The following NF1 variants were observed in gnomAD, a reference collection of about 807,000 sequenced individuals.
NF1 encodes neurofibromin 1.
NF1 carries 122 observed loss-of-function variants against 325.7 expected under a neutral mutation model. The observed-to-expected ratio is 0.37, with a 90% CI of 0.32 to 0.44. The LOEUF (loss-of-function observed/expected upper bound fraction) is 0.44. Ranked by LOEUF, NF1 falls within the 20% of genes least tolerant of loss-of-function variation. The pLI is 1.00. For missense variants in NF1, 2,140 were observed against 3,415.4 expected, an observed-to-expected ratio of 0.63 and a Z score of 9.31; for synonymous variants, 1,091 against 1,186.0, an observed-to-expected ratio of 0.92 and a Z score of 1.65.
intron 29 of NF1, among the ~76,000 whole-genome samples, chr17:31,244,035 A>C (rs2067349707): frequency 6.6e-6 from 1 of 152,032 alleles, no homozygotes; most frequent in South Asian, 2.1e-4. Context: ...GCAGGTGATG[A>C]GTTCTGCCAA....
At chr17:31,110,715 G>A (rs1913325475) in intron 1 of NF1, among the ~76,000 whole-genome samples, 1 of 151,782 alleles carries the variant, frequency 6.6e-6, no homozygotes, top group African/African-American at 2.4e-5. Context: ...AGGAAAATAC[G>A]GAGAAAATGG....
chr17:31,325,866 T>G lies in NF1; in HGVS notation c.4882T>G (p.Leu1628Val). Residue 1628 changes from leucine (L) to valine (V), a missense_variant, in exon 37 of 58, where the codon TTA becomes GTA. Coordinates refer to ENST00000358273, the MANE Select transcript of NF1 (RefSeq NM_001042492.3). ...TGGTGATTTGCTGATATACCATGTC[T>G]TACTGACTTTAAAGCCATATTATGC... ...INGDLLIYHVLLTLKPYYAKP... is the reference protein window; with the variant it reads ...INGDLLIYHVVLTLKPYYAKP... 1 of 1,614,214 alleles carries G rather than the reference T, an allele frequency of 6.2e-7. No homozygotes were observed. Among genetic ancestry groups the G allele is most frequent in the Non-Finnish European group, 8.5e-7 (1 of 1,180,026 alleles).
chr17:31,319,173 A>G (rs2069112193), intron 36 of NF1: 1 of 814,088 alleles, frequency 1.2e-6, no homozygotes, highest in South Asian at 1.9e-5. Context: ...TCTCAACTAA[A>G]TTTCTTTTCT....
intron 1 of NF1, among the ~76,000 whole-genome samples, chr17:31,119,945 A>C (rs762031489): frequency 2.6e-5 from 4 of 152,078 alleles, no homozygotes; most frequent in African/African-American, 7.2e-5. Context: ...TTTCTGAGGT[A>C]TCTGTTCTGT....
intron 5 of NF1, among the ~76,000 whole-genome samples, chr17:31,170,371 G>A (rs2065910477): frequency 6.6e-6 from 1 of 152,306 alleles, no homozygotes; most frequent in Admixed American, 6.5e-5. Flanking sequence ...GTCTGTAGTA[G>A]GATATCAAAG....
chr17:31,256,973 A>G lies in NF1; in HGVS notation c.4174-1371A>G, dbSNP rs570134984. On this transcript the variant is annotated intron_variant, in intron 31 of 57. Transcript: ENST00000358273. ...TTACTAACTTCCTGTTAGAGATTAT[A>G]GAAAGCTATTTTGAGGTTATAAGCA... 4.6e-5 allele frequency among the ~76,000 whole-genome samples: 7 copies of G among 152,344 alleles called. No individual in the cohort carries two copies. In the South Asian group the frequency reaches 1.2e-3, roughly 27 times the overall value.
chr17:31,258,475 C>T lies in NF1; in HGVS notation c.4305C>T (p.Ile1435=), dbSNP rs779865988. ...TAGATAAAAAGCCACCACCTAGAAT[C>T]GAAAGGGGCTTGAAGTTAATGTCAA... is the stretch of plus-strand genomic sequence containing the variant. ...GILDKKPPPR[I]ERGLKLMSKI... The change falls in exon 32 of 58, where the codon ATC becomes ATT. Residue 1435 remains isoleucine (I), a synonymous_variant. Coordinates refer to ENST00000358273, the MANE Select transcript of NF1 (RefSeq NM_001042492.3). The T allele has an allele frequency of 7.4e-6, 12 of 1,613,828 alleles. No individual in the cohort carries two copies. The highest frequency in any genetic ancestry group is 4.2e-6 in the Non-Finnish European group (5 of 1,179,872).
chr17:31,287,543 TGTGTGTG>T (rs1257253637), intron 36 of NF1, among the ~76,000 whole-genome samples: 1 of 24,194 alleles, frequency 4.1e-5, no homozygotes, highest in East Asian at 1.7e-3. Context: ...CATTCATAAC[TGTGTGTG>T]TGTGTGTGTG....
chr17:31,117,504 T>C (rs1331365082), intron 1 of NF1, among the ~76,000 whole-genome samples: 1 of 149,814 alleles, frequency 6.7e-6, no homozygotes, highest in African/African-American at 2.4e-5. Context: ...ACCCTGTCTC[T>C]ACTAAAAATA....
intron 29 of NF1, among the ~76,000 whole-genome samples, chr17:31,238,128 T>C (rs1243683141): frequency 1.3e-5 from 2 of 152,126 alleles, no homozygotes; most frequent in Non-Finnish European, 2.9e-5. Flanking sequence ...GACGAGTTGC[T>C]GGAGGCTGAG....
chr17:31,346,271 A>G, intron 48 of NF1: 2 of 1,543,026 alleles, frequency 1.3e-6, no homozygotes, highest in Non-Finnish European at 1.8e-6. Flanking sequence ...CCAAATTAGA[A>G]GCTAGCTGAG....
At position 31,143,243 on chromosome 17, in the gene NF1, A is replaced by G. The variant is rs570877566; in HGVS notation, c.61-12740A>G. On this transcript the variant is annotated intron_variant, in intron 1 of 57. Coordinates refer to ENST00000358273, the MANE Select transcript of NF1 (RefSeq NM_001042492.3). ...TTTATGGCTTTGTTTTTTTTAAATC[A>G]CACACACACACTCACACACACACAC... 2.2e-3 allele frequency among the ~76,000 whole-genome samples: 332 copies of G among 151,412 alleles called. 1 individual carries two copies. Among genetic ancestry groups the G allele is most frequent in the African/African-American group, 7.6e-3 (312 of 41,246 alleles).
chr17:31,283,550 G>A (rs904311844), intron 36 of NF1, among the ~76,000 whole-genome samples: 1 of 152,100 alleles, frequency 6.6e-6, no homozygotes, highest in African/African-American at 2.4e-5. Flanking sequence ...GCCTCCCTGG[G>A]CTCAAGTGAT....
At chr17:31,183,841 T>C (rs2066182846) in intron 8 of NF1, among the ~76,000 whole-genome samples, 2 of 152,324 alleles carry the variant, frequency 1.3e-5, no homozygotes, top group African/African-American at 4.8e-5. Flanking sequence ...TGTTGGATGC[T>C]TCCTGCCCTC....
Position 31,349,143 on chromosome 17 carries a change from A to G in NF1, c.7213A>G (p.Ile2405Val), listed in dbSNP as rs565708398. 19 of 1,605,186 alleles carry G rather than the reference A, an allele frequency of 1.2e-5. No individual in the cohort carries two copies. The Admixed American group carries it at 1.9e-4, about 16-fold the overall frequency. Residue 2405 changes from isoleucine (I) to valine (V), a missense_variant, in exon 49 of 58, where the codon ATT becomes GTT. Ile to Val is a conservative substitution (Grantham distance 29, BLOSUM62 3). This residue lies in a region of NF1 where 522 missense variants were observed against 749.0 expected (regional missense o/e 0.70). Transcript: ENST00000358273. ...AGGGTACAGGCATCCTTCACCTGCTATTGTTGCAAGAACAGTCAGAATTTT... is the reference window on the plus strand; with the variant it reads ...AGGGTACAGGCATCCTTCACCTGCTGTTGTTGCAAGAACAGTCAGAATTTT... ...LKGYRHPSPA[I>V]VARTVRILHT...
chr17:31,374,317 C>G lies in NF1; in HGVS notation c.*162C>G. Reference sequence around the variant, plus strand: ...TTGCCAGATGATCAACTCTTCGAAGCCTTGCCTAAATTTAATGCTGCCTTT... The same window carrying G: ...TTGCCAGATGATCAACTCTTCGAAGGCTTGCCTAAATTTAATGCTGCCTTT... On this transcript the variant is annotated 3_prime_UTR_variant, in exon 58 of 58. Coordinates refer to ENST00000358273, the MANE Select transcript of NF1 (RefSeq NM_001042492.3). 4 of 902,414 alleles carry G rather than the reference C, an allele frequency of 4.4e-6. No homozygotes were observed. Among genetic ancestry groups the G allele is most frequent in the Non-Finnish European group, 3.5e-6 (2 of 570,412 alleles). 55.9% of individuals were successfully genotyped at this position (902,414 alleles called of 1,614,324 possible).
At chr17:31,294,865 T>C (rs1337824038) in intron 36 of NF1, 2 of 1,057,630 alleles carry the variant, frequency 1.9e-6, no homozygotes, top group Non-Finnish European at 1.4e-6. Context: ...GACAAGTTAC[T>C]TCATTTACAT....
intron 36 of NF1, among the ~76,000 whole-genome samples, chr17:31,324,707 A>G (rs571455205): frequency 6.4e-4 from 98 of 152,182 alleles, no homozygotes; most frequent in African/African-American, 2.2e-3. Flanking sequence ...GATTACAGAC[A>G]TGTACCACCA....
chr17:31,305,361 T>C, intron 36 of NF1: 1 of 1,614,124 alleles, frequency 6.2e-7, no homozygotes, highest in East Asian at 2.2e-5. Context: ...TATAGACAGC[T>C]GGTGTTGGTT....
Sources: allele counts gnomAD v4.1 joint callset (sites outside exome capture counted in the v4.1 genomes callset), GRCh38; gene constraint gnomAD v4.1.1; regional missense constraint gnomAD v4.1.1; transcripts MANE v1.5; gene names NCBI Gene and HGNC (gene_info 2026-07-23, HGNC 2026-07-21).